The following NRXN1 variants were observed in gnomAD, a reference collection of about 807,000 sequenced individuals.
NRXN1 encodes neurexin-1.
Under a neutral mutation model 150.9 loss-of-function variants are expected in NRXN1, and 39 were observed. The observed-to-expected ratio is 0.26, with a 90% CI of 0.20 to 0.34. NRXN1 has a LOEUF of 0.34. Among genes scored for constraint, NRXN1 ranks in the 10% least tolerant of loss-of-function variants. The probability of loss-of-function intolerance (pLI) is 1.00; values close to 1 mark genes in which losing one functional copy is unlikely to be tolerated. For synonymous variants in NRXN1, 924 were observed against 757.0 expected, an observed-to-expected ratio of 1.22 and a Z score of -3.62; for missense variants, 1,815 against 1,949.9, an observed-to-expected ratio of 0.93 and a Z score of 1.30.
chr2:50,052,441 C>G (rs1692866902), intron 21 of NRXN1, among the ~76,000 whole-genome samples: 1 of 152,034 alleles, frequency 6.6e-6, no homozygotes, highest in Non-Finnish European at 1.5e-5. Context: ...GGCATTTGAA[C>G]AGCATCTAAC....
At chr2:50,941,015 G>C (rs1344280620) in intron 2 of NRXN1, among the ~76,000 whole-genome samples, 1 of 152,132 alleles carries the variant, frequency 6.6e-6, no homozygotes, top group African/African-American at 2.4e-5. Context: ...GGAGGTGATT[G>C]AATCACAGGT....
chr2:50,816,812 G>A (rs971395376), intron 5 of NRXN1, among the ~76,000 whole-genome samples: 7 of 152,136 alleles, frequency 4.6e-5, no homozygotes, highest in Non-Finnish European at 1.0e-4. Context: ...TCATTCAACT[G>A]TAGAATTTCT....
intron 2 of NRXN1, among the ~76,000 whole-genome samples, chr2:50,971,342 T>A (rs556413688): frequency 6.6e-6 from 1 of 152,108 alleles, no homozygotes; most frequent in Non-Finnish European, 1.5e-5. Context: ...CCCAGCACTT[T>A]GGGAGGCCAC....
chr2:50,079,656 T>C (rs1461072310), intron 19 of NRXN1, among the ~76,000 whole-genome samples: 1 of 152,148 alleles, frequency 6.6e-6, no homozygotes, highest in Admixed American at 6.5e-5. Context: ...TAGACATTTA[T>C]TATTTTGTTT....
rs1278456153 is a variant in NRXN1, at chr2:50,392,220, G to A, written c.3364+73222C>T. Reference sequence around the variant, plus strand: ...CAGAACTAGCAAAAATACACTAAAGGAGAAATTAAACTGCAAATACCTTCT... The same window carrying A: ...CAGAACTAGCAAAAATACACTAAAGAAGAAATTAAACTGCAAATACCTTCT... On this transcript the variant is annotated intron_variant, in intron 17 of 22. Transcript: ENST00000401669. Among the ~76,000 whole-genome samples the A allele has an allele frequency of 1.3e-5, 2 of 152,038 alleles. 1 individual carries two copies. The highest frequency in any genetic ancestry group is 2.9e-5 in the Non-Finnish European group (2 of 68,000).
intron 21 of NRXN1, chr2:49,974,182 G>C: frequency 1.4e-6 from 1 of 708,796 alleles, no homozygotes; most frequent in Non-Finnish European, 2.6e-6. Flanking sequence ...GCACACAGAT[G>C]GGCGAGAAAA....
chr2:50,873,601 A>G (rs1678122584), intron 5 of NRXN1, among the ~76,000 whole-genome samples: 2 of 151,818 alleles, frequency 1.3e-5, no homozygotes, highest in South Asian at 2.1e-4. Context: ...ATTAACCATG[A>G]GCTCCACTTT....
At chr2:50,829,533 T>C in intron 5 of NRXN1, 7 of 1,610,364 alleles carry the variant, frequency 4.3e-6, no homozygotes, top group Non-Finnish European at 5.1e-6. Context: ...TGCGATGGCC[T>C]TATAAGGGAT....
intron 5 of NRXN1, among the ~76,000 whole-genome samples, chr2:50,839,836 GA>G (rs1031268230): frequency 8.5e-5 from 13 of 152,250 alleles, no homozygotes; most frequent in African/African-American, 3.1e-4. Context: ...GAACTAAGGA[GA>G]AAAATAAGGC....
intron 5 of NRXN1, among the ~76,000 whole-genome samples, chr2:50,735,302 T>C (rs1698602341): frequency 6.6e-6 from 1 of 152,130 alleles, no homozygotes; most frequent in African/African-American, 2.4e-5. Flanking sequence ...AAATTATTTT[T>C]ATAATGCACT....
intron 17 of NRXN1, among the ~76,000 whole-genome samples, chr2:50,314,099 G>A (rs757623952): frequency 6.6e-6 from 1 of 152,114 alleles, no homozygotes; most frequent in Non-Finnish European, 1.5e-5. Context: ...GAGAGCTTCA[G>A]AATAGGTAGA....
At chr2:50,440,378 T>A (rs1178737087) in intron 17 of NRXN1, among the ~76,000 whole-genome samples, 2 of 152,076 alleles carry the variant, frequency 1.3e-5, no homozygotes, top group Admixed American at 6.5e-5. Flanking sequence ...ATCTAGTTTC[T>A]GAAACCAAAT....
At chr2:50,717,445 A>T (rs1696012385) in intron 5 of NRXN1, among the ~76,000 whole-genome samples, 1 of 152,156 alleles carries the variant, frequency 6.6e-6, no homozygotes, top group Non-Finnish European at 1.5e-5. Flanking sequence ...TAATGGCCAT[A>T]ATGTAGCTAA....
chr2:50,610,729 A>C (rs1167722203), intron 8 of NRXN1, among the ~76,000 whole-genome samples: 1 of 128,854 alleles, frequency 7.8e-6, no homozygotes, highest in African/African-American at 2.9e-5. Context: ...TATAGTCATT[A>C]CTAGAACATA....
intron 17 of NRXN1, among the ~76,000 whole-genome samples, chr2:50,376,909 C>T (rs2080543895): frequency 6.6e-6 from 1 of 151,978 alleles, no homozygotes; most frequent in South Asian, 2.1e-4. Context: ...CACATCACCG[C>T]TCTGCGCTTC....
intron 8 of NRXN1, among the ~76,000 whole-genome samples, chr2:50,572,232 C>G (rs572963756): frequency 6.6e-6 from 1 of 152,284 alleles, no homozygotes; most frequent in East Asian, 1.9e-4. Flanking sequence ...GCCCAAACAA[C>G]CAGCCAGGTC....
chr2:50,785,132 A>G (rs905289946), intron 5 of NRXN1, among the ~76,000 whole-genome samples: 1 of 152,058 alleles, frequency 6.6e-6, no homozygotes, highest in Admixed American at 6.6e-5. Context: ...CCATGTGAGG[A>G]CACAGTGAGA....
At chr2:50,551,843 T>C (rs897424594) in intron 9 of NRXN1, among the ~76,000 whole-genome samples, 1 of 152,042 alleles carries the variant, frequency 6.6e-6, no homozygotes, top group African/African-American at 2.4e-5. Flanking sequence ...CCTACAAATG[T>C]CATCTCTGCT....
intron 5 of NRXN1, among the ~76,000 whole-genome samples, chr2:50,863,798 A>T (rs941816883): frequency 7.2e-5 from 11 of 152,018 alleles, no homozygotes; most frequent in African/African-American, 2.2e-4. Flanking sequence ...GTCAGACATT[A>T]AAAAACTGTA....
Sources: gnomAD v4.1 joint callset for allele counts (sites outside exome capture counted in the v4.1 genomes callset) on GRCh38, gnomAD v4.1.1 for gene constraint, MANE v1.5 for transcripts, NCBI Gene and HGNC (gene_info 2026-07-23, HGNC 2026-07-21) for gene names.